Variants in SKI observed in about 807,000 individuals in gnomAD.
SKI encodes the protein SKI proto-oncogene.
A neutral mutation model predicts 59.3 loss-of-function variants in SKI; 23 were observed. The ratio of observed to expected loss-of-function variants is 0.39; its 90% CI spans 0.28 to 0.55. The LOEUF (loss-of-function observed/expected upper bound fraction) is 0.55. Ranked by LOEUF, SKI falls within the 20% of genes least tolerant of loss-of-function variation. The pLI, the probability that SKI is intolerant of heterozygous loss-of-function variation, is 0.67. For missense variants in SKI, 1,017 were observed against 1,038.9 expected (o/e 0.98, Z 0.29); for synonymous variants, 673 against 488.6 (o/e 1.38, Z -4.98).
intron 1 of SKI, among the ~76,000 whole-genome samples, chr1:2,277,852 C>G (rs1026366270): frequency 1.0e-4 from 14 of 133,666 alleles, no homozygotes; most frequent in African/African-American, 4.1e-4. Context: ...GACCGACGGA[C>G]ATACGTGCAC....
intron 1 of SKI, among the ~76,000 whole-genome samples, chr1:2,256,639 C>CACCA (rs1188466385): frequency 1.3e-4 from 20 of 152,382 alleles, no homozygotes; most frequent in Non-Finnish European, 1.0e-4. Context: ...CATGGCTGAC[C>CACCA]TGGTAACTGG....
chr1:2,231,223 G>A (rs1161149472), intron 1 of SKI, among the ~76,000 whole-genome samples: 2 of 151,548 alleles, frequency 1.3e-5, no homozygotes, highest in African/African-American at 2.4e-5. Context: ...GAAGCCACAT[G>A]TCGGGGGGGA....
intron 1 of SKI, among the ~76,000 whole-genome samples, chr1:2,295,902 G>A (rs1432053965): frequency 6.6e-6 from 1 of 152,224 alleles, no homozygotes; most frequent in Non-Finnish European, 1.5e-5. Context: ...TGCACAAGCT[G>A]TCGTGTGGAT....
intron 1 of SKI, among the ~76,000 whole-genome samples, chr1:2,285,992 G>A (rs1370310661): frequency 6.7e-6 from 1 of 149,338 alleles, no homozygotes; most frequent in Non-Finnish European, 1.5e-5. Flanking sequence ...TCCTGCCTCA[G>A]CCTCCCGAGT....
chr1:2,291,871 C>A (rs1028351648), intron 1 of SKI, among the ~76,000 whole-genome samples: 1 of 152,210 alleles, frequency 6.6e-6, no homozygotes, highest in African/African-American at 2.4e-5. Flanking sequence ...CCGAGTGAAC[C>A]TTTAAAGCTG....
At chr1:2,251,176 T>G (rs1430247579) in intron 1 of SKI, among the ~76,000 whole-genome samples, 2 of 152,104 alleles carry the variant, frequency 1.3e-5, no homozygotes, top group Non-Finnish European at 2.9e-5. Context: ...GTAGTAGCGC[T>G]GCGGACCGTG....
intron 1 of SKI, chr1:2,248,179 C>T (rs1003698805): frequency 1.3e-5 from 2 of 152,306 alleles, no homozygotes; most frequent in African/African-American, 4.8e-5. Context: ...GGCCCTGAGG[C>T]CACCAGGTTC....
chr1:2,278,036 T>C (rs1424913551), intron 1 of SKI, among the ~76,000 whole-genome samples: 8 of 152,308 alleles, frequency 5.3e-5, no homozygotes, highest in Non-Finnish European at 5.9e-5. Context: ...ATGCACCCAC[T>C]CCCGATGGCT....
chr1:2,282,597 C>G (rs1450648715), intron 1 of SKI, among the ~76,000 whole-genome samples: 2 of 152,148 alleles, frequency 1.3e-5, no homozygotes, highest in African/African-American at 2.4e-5. Context: ...TTGTGTGGCA[C>G]CAGGGCAGGG....
intron 1 of SKI, among the ~76,000 whole-genome samples, chr1:2,291,055 G>A (rs2100894638): frequency 6.6e-6 from 1 of 152,358 alleles, no homozygotes; most frequent in Non-Finnish European, 1.5e-5. Context: ...AGCGTCCGGG[G>A]AGGGAGCAGA....
chr1:2,246,401 TTATC>T (rs994484392), intron 1 of SKI, among the ~76,000 whole-genome samples: 4 of 152,180 alleles, frequency 2.6e-5, no homozygotes, highest in African/African-American at 9.7e-5. Flanking sequence ...TTGTACGTCT[TTATC>T]TACTCTGGTT....
At chr1:2,231,061 G>C (rs1221620310) in intron 1 of SKI, among the ~76,000 whole-genome samples, 1 of 152,224 alleles carries the variant, frequency 6.6e-6, no homozygotes, top group Non-Finnish European at 1.5e-5. Context: ...GCTGGGGAAG[G>C]ATGCTCGTGG....
rs370714069 is a variant in SKI at position 2,306,542 on chromosome 1, G to C, written c.1999-35G>C. 4.4e-5 allele frequency: 68 copies of C among 1,533,394 alleles called. 2 individuals are homozygous for C. The African/African-American group carries it at 6.6e-4, about 15-fold the overall frequency. The allele number at this position is 1,533,394 out of a possible 1,614,324, so 95.0% of individuals were successfully genotyped here. A position where few individuals can be genotyped will look rare whatever the true frequency, so the allele number is the denominator to read the frequency against. On this transcript the variant is annotated intron_variant, in intron 6 of 6. Transcript: ENST00000378536. The stretch of plus-strand genomic sequence containing the variant: ...CAGCGTCGGGCCGGGGCAGGGCAGC[G>C]AGCAGGCGCCGCTGACCACTCGGCT...
chr1:2,293,389 C>T (rs1240031605), intron 1 of SKI, among the ~76,000 whole-genome samples: 11 of 151,438 alleles, frequency 7.3e-5, no homozygotes, highest in Non-Finnish European at 1.3e-4. Context: ...TTGGGGCCTG[C>T]GGATGTCGCT....
At chr1:2,230,665 C>T (rs574421422) in intron 1 of SKI, among the ~76,000 whole-genome samples, 1 of 152,318 alleles carries the variant, frequency 6.6e-6, no homozygotes, top group Admixed American at 6.5e-5. Context: ...CGAAATTACT[C>T]AGTGGGGTCC....
chr1:2,297,862 C>T (rs7515207), intron 1 of SKI, among the ~76,000 whole-genome samples: 35,021 of 152,224 alleles, frequency 0.23, 4,355 homozygotes, highest in Middle Eastern at 0.33. Flanking sequence ...CGCATGCATT[C>T]CCCTGGAGGG....
chr1:2,262,514 C>T (rs1639410578), intron 1 of SKI, among the ~76,000 whole-genome samples: 1 of 150,520 alleles, frequency 6.6e-6, no homozygotes, highest in African/African-American at 2.5e-5. Context: ...GGAGTGGACG[C>T]CCTCGCTCCT....
At position 2,303,270 on chromosome 1, in the gene SKI, A is replaced by ACT; in HGVS notation, c.1096-12_1096-11dup. On this transcript the variant is annotated splice_polypyrimidine_tract_variant and intron_variant, in intron 2 of 6. Transcript: ENST00000378536. This position sits in a 1 kb window ranked among gnomAD's most constrained non-coding sequence, Gnocchi z 5.6. ...TTTCTCCTGGTCACTCACACAGACAACTCTTTCTCGACAGAGCCTGGGCTG... is the reference window on the plus strand; with the variant it reads ...TTTCTCCTGGTCACTCACACAGACAACTCTCTTTCTCGACAGAGCCTGGGCTG... 6.2e-7 allele frequency: 1 copy of ACT among 1,611,592 alleles called. No homozygotes were observed. Among genetic ancestry groups the ACT allele is most frequent in the Non-Finnish European group, 8.5e-7 (1 of 1,179,324 alleles).
In SKI at chr1:2,270,939, C is replaced by T. The variant is rs1039459600; in HGVS notation, c.970-32039C>T. On this transcript the variant is annotated intron_variant, in intron 1 of 6. Transcript: ENST00000378536. This position sits in a 1 kb window ranked among gnomAD's most constrained non-coding sequence, Gnocchi z 4.1. ...CAGCTGCCCATGTCACCAGGCCAGGCGCTTTCCCTGTGAATGAGCCGATGG... is the reference window on the plus strand; with the variant it reads ...CAGCTGCCCATGTCACCAGGCCAGGTGCTTTCCCTGTGAATGAGCCGATGG... Among the ~76,000 whole-genome samples, 8 of 152,226 alleles carry T rather than the reference C, an allele frequency of 5.3e-5. No homozygotes were observed. The highest frequency in any genetic ancestry group is 2.1e-4 in the South Asian group (1 of 4,832).
Sources: allele counts gnomAD v4.1 joint callset (sites outside exome capture counted in the v4.1 genomes callset), GRCh38; gene constraint gnomAD v4.1.1; non-coding constraint Gnocchi (gnomAD v3.1); transcripts MANE v1.5; gene names NCBI Gene and HGNC (gene_info 2026-07-23, HGNC 2026-07-21).